Variants in SEMA5A observed in about 807,000 individuals in gnomAD.
SEMA5A encodes semaphorin 5A.
SEMA5A carries 55 observed loss-of-function variants against 135.5 expected under a neutral mutation model. That is an observed-to-expected ratio of 0.41 (90% confidence interval 0.33 to 0.51). SEMA5A has a LOEUF of 0.51. Among genes scored for constraint, SEMA5A ranks in the 20% least tolerant of loss-of-function variants. The pLI is 0.37. For synonymous variants in SEMA5A, 580 were observed against 546.5 expected (o/e 1.06, Z -0.85); for missense variants, 1,290 against 1,419.9 (o/e 0.91, Z 1.47).
chr5:9,379,775 T>C (rs1026098896), intron 3 of SEMA5A, 48 bp downstream of exon 3: 1 of 1,593,866 alleles, frequency 6.3e-7, no homozygotes, highest in Non-Finnish European at 8.6e-7. Context: ...AAACACAGAA[T>C]GTGCATTTAG....
rs142779719 is a variant in SEMA5A at position 9,358,469 on chromosome 5, C to A, written c.125-20657G>T. On this transcript the variant is annotated intron_variant, in intron 3 of 22. Transcript: ENST00000382496. ...CATCTCCTTCAACAAGAGGAAGGGT[C>A]TTCCCTGTGCACACAGTGTCCAGAC... Among the ~76,000 whole-genome samples the A allele has an allele frequency of 2.2e-3, 329 of 152,312 alleles. 2 individuals are homozygous for A. The highest frequency in any genetic ancestry group is 7.6e-3 in the African/African-American group (314 of 41,560).
chr5:9,277,249 T>A (rs368602987), intron 5 of SEMA5A, among the ~76,000 whole-genome samples: 3 of 152,198 alleles, frequency 2.0e-5, no homozygotes, highest in East Asian at 3.9e-4. Flanking sequence ...GTAATGCAAA[T>A]CAAAACCACA....
At chr5:9,405,823 G>C (rs957594083) in intron 2 of SEMA5A, among the ~76,000 whole-genome samples, 1 of 151,974 alleles carries the variant, frequency 6.6e-6, no homozygotes, top group Admixed American at 6.6e-5. Context: ...CCATATAGAA[G>C]GCATATGCAG....
chr5:9,428,149 TATCTATCTATCTATCTATCC>T (rs1396320934), intron 2 of SEMA5A, among the ~76,000 whole-genome samples: 51 of 136,672 alleles, frequency 3.7e-4, no homozygotes, highest in African/African-American at 1.1e-3. Context: ...TCTATCTATC[TATCTATCTATCTATCTATCC>T]ATCCATCCAT....
intron 1 of SEMA5A, among the ~76,000 whole-genome samples, chr5:9,458,604 C>G (rs1758936802): frequency 6.6e-6 from 1 of 152,176 alleles, no homozygotes. Context: ...TGGTGGCAAA[C>G]TGCTCTGGGG....
intron 14 of SEMA5A, among the ~76,000 whole-genome samples, chr5:9,119,634 T>C (rs1740703600): frequency 6.6e-6 from 1 of 152,186 alleles, no homozygotes. Flanking sequence ...TGAAAATCAG[T>C]AACTTTCCTG....
chr5:9,457,462 A>G (rs142757306), intron 1 of SEMA5A, among the ~76,000 whole-genome samples: 1,567 of 152,304 alleles, frequency 0.01, 18 homozygotes, highest in South Asian at 0.042. Context: ...CAAGTTCCTC[A>G]CTCAAAATTG....
intron 2 of SEMA5A, among the ~76,000 whole-genome samples, chr5:9,425,587 A>T (rs1757619605): frequency 6.6e-6 from 1 of 152,202 alleles, no homozygotes; most frequent in South Asian, 2.1e-4. Flanking sequence ...GTTTATACAG[A>T]TGTCTGTCCT....
chr5:9,357,984 G>T (rs1308058117), intron 3 of SEMA5A, among the ~76,000 whole-genome samples: 1 of 152,136 alleles, frequency 6.6e-6, no homozygotes, highest in Non-Finnish European at 1.5e-5. Context: ...AAGAAACAGG[G>T]ATTGTTGAAT....
At position 9,466,344 on chromosome 5, in the gene SEMA5A, A is replaced by G. The variant is rs1043534850; in HGVS notation, c.-174-28492T>C. On this transcript the variant is annotated intron_variant, in intron 1 of 22. Coordinates refer to ENST00000382496, the MANE Select transcript of SEMA5A (RefSeq NM_003966.3). ...TGTAACAAACCTGCACGTTGTGCAC[A>G]TGTACCCTAAAACTCAAAGTATAAT... is the stretch of plus-strand genomic sequence containing the variant. 2.0e-5 allele frequency among the ~76,000 whole-genome samples: 3 copies of G among 150,974 alleles called. No individual in the cohort carries two copies. In the East Asian group the frequency reaches 5.9e-4, roughly 30 times the overall value.
intron 3 of SEMA5A, among the ~76,000 whole-genome samples, chr5:9,377,549 A>AT (rs1491210191): frequency 1.3e-5 from 2 of 152,158 alleles, no homozygotes; most frequent in East Asian, 3.9e-4. Context: ...CAAAAAAAAA[A>AT]GAGAGAGAAA....
intron 12 of SEMA5A, among the ~76,000 whole-genome samples, chr5:9,143,988 A>G (rs932741886): frequency 1.3e-5 from 2 of 152,232 alleles, no homozygotes; most frequent in South Asian, 4.1e-4. Context: ...ATGGCCCAAC[A>G]TAAACCTTCC....
rs777296309 is a variant in SEMA5A at position 9,119,117 on chromosome 5, G to A, written c.1806C>T (p.Thr602=). The change falls in exon 15 of 23, where the codon ACC becomes ACT. Residue 602 remains threonine, a synonymous_variant. Coordinates refer to ENST00000382496, the MANE Select transcript of SEMA5A (RefSeq NM_003966.3). ...AGGTAGTGCTGCAGGGAGACCACGA[G>A]GTCCAGGGAGTCCAGCCTCCGTTCC... ...CSRNGGWTPW[T]SWSPCSTTCG... 2.5e-6 allele frequency: 4 copies of A among 1,613,792 alleles called. No individual in the cohort carries two copies. In the South Asian group the frequency reaches 3.3e-5, roughly 13 times the overall value.
At chr5:9,289,395 A>G (rs1750959045) in intron 5 of SEMA5A, among the ~76,000 whole-genome samples, 2 of 152,302 alleles carry the variant, frequency 1.3e-5, no homozygotes, top group African/African-American at 4.8e-5. Flanking sequence ...ACTGAAGTGG[A>G]CAACTCAAAC....
intron 2 of SEMA5A, among the ~76,000 whole-genome samples, chr5:9,394,119 G>A (rs191558616): frequency 9.3e-4 from 142 of 152,282 alleles, no homozygotes; most frequent in Non-Finnish European, 1.9e-4. Flanking sequence ...TAGTGCTACT[G>A]TGAATATGAA....
At chr5:9,057,502 AC>A (rs1233332004) in intron 18 of SEMA5A, among the ~76,000 whole-genome samples, 9 of 152,334 alleles carry the variant, frequency 5.9e-5, no homozygotes, top group African/African-American at 2.2e-4. Context: ...TCACACATAC[AC>A]CAACTGTCCA....
intron 10 of SEMA5A, among the ~76,000 whole-genome samples, chr5:9,194,146 G>A (rs757302165): frequency 5.9e-5 from 9 of 152,104 alleles, no homozygotes; most frequent in East Asian, 1.9e-4. Flanking sequence ...AGTGATTGCC[G>A]CGTGTCTTAC....
At chr5:9,354,198 T>G (rs1342932587) in intron 3 of SEMA5A, among the ~76,000 whole-genome samples, 1 of 152,174 alleles carries the variant, frequency 6.6e-6, no homozygotes, top group Non-Finnish European at 1.5e-5. Context: ...CTCTTCATGC[T>G]TTCATTTCAA....
chr5:9,485,426 G>T (rs979435242), intron 1 of SEMA5A, among the ~76,000 whole-genome samples: 1 of 152,208 alleles, frequency 6.6e-6, no homozygotes, highest in African/African-American at 2.4e-5. Flanking sequence ...TAAAAAGGTT[G>T]CTGGAAAATG....
Sources: allele counts gnomAD v4.1 joint callset (sites outside exome capture counted in the v4.1 genomes callset), GRCh38; gene constraint gnomAD v4.1.1; transcripts MANE v1.5; gene names NCBI Gene and HGNC (gene_info 2026-07-23, HGNC 2026-07-21).